The following MRGPRF variants were observed in gnomAD, a reference collection of about 807,000 sequenced individuals.
MRGPRF encodes the protein MAS related GPR family member F.
A neutral mutation model predicts 3.3 loss-of-function variants in MRGPRF; 2 were observed. The ratio of observed to expected loss-of-function variants is 0.61; its 90% CI spans 0.25 to 1.92. The LOEUF (loss-of-function observed/expected upper bound fraction) is 1.92, where lower values mean the gene tolerates loss of function less well. Ranked by LOEUF, MRGPRF falls within the 40% of genes most tolerant of loss-of-function variation. MRGPRF has a pLI of 0.16. For missense variants in MRGPRF, 500 were observed against 476.0 expected, an observed-to-expected ratio of 1.05 and a Z score of -0.47; for synonymous variants, 242 against 222.7, an observed-to-expected ratio of 1.09 and a Z score of -0.77.
Position 69,005,692 on chromosome 11 carries a change from G to T in MRGPRF, c.618C>A (p.Phe206Leu), listed in dbSNP as rs1860462274. 1 of 1,551,022 alleles carries T rather than the reference G, an allele frequency of 6.4e-7. No individual in the cohort carries two copies. The highest frequency in any genetic ancestry group is 2.0e-5 in the Admixed American group (1 of 50,992). ...GCACCATGAGCGGGCAGCAGAGCAG[G>T]AACAGGAGGATGCCCAGGAAGATGT... ...HMDIFLGILL[F>L]LLCCPLMVLP... Residue 206 changes from phenylalanine to leucine, a missense_variant, in exon 3 of 3, where the codon TTC (phenylalanine) becomes TTA (leucine). By Grantham distance (22) the Phe-to-Leu change is conservative. Transcript: ENST00000309099.
rs1377782579 is a variant in MRGPRF at position 69,011,526 on chromosome 11, C to A, written c.-57+1557G>T. ...GGCTTGCAGATGGCTGGTGCTGCGA[C>A]CTGTATCTTAAGTCTCCCTCCTTGG... is the stretch of plus-strand genomic sequence containing the variant. On this transcript the variant is annotated intron_variant, in intron 1 of 2. Coordinates refer to ENST00000309099, the MANE Select transcript of MRGPRF (RefSeq NM_145015.5). 2.0e-5 allele frequency among the ~76,000 whole-genome samples: 3 copies of A among 152,168 alleles called. No individual in the cohort carries two copies. In the South Asian group the frequency reaches 6.2e-4, roughly 31 times the overall value.
chr11:69,008,467 C>G (rs555416842), intron 2 of MRGPRF, among the ~76,000 whole-genome samples: 5 of 152,308 alleles, frequency 3.3e-5, no homozygotes, highest in African/African-American at 1.2e-4. Flanking sequence ...TCCTGAGAGA[C>G]TGTTCTCTGG....
intron 1 of MRGPRF, chr11:69,012,177 C>G (rs917105836): frequency 2.0e-5 from 3 of 152,372 alleles, no homozygotes; most frequent in Non-Finnish European, 2.9e-5. Flanking sequence ...ACCCAAAAAG[C>G]TGCCAGCACA....
intron 1 of MRGPRF, among the ~76,000 whole-genome samples, chr11:69,010,653 T>C (rs1860575231): frequency 3.9e-5 from 6 of 152,136 alleles, no homozygotes. Flanking sequence ...GGCACACCCA[T>C]AGCCACACCA....
In MRGPRF at chr11:69,004,719, A is replaced by AT. The variant is rs1353606639; in HGVS notation, c.*558_*559insA. The AT allele has an allele frequency of 6.6e-6, 1 of 152,466 alleles. No individual in the cohort carries two copies. The allele number at this position is 152,466 out of a possible 1,614,324, so 9.4% of individuals were successfully genotyped here. On this transcript the variant is annotated 3_prime_UTR_variant, in exon 3 of 3. Coordinates refer to ENST00000309099, the MANE Select transcript of MRGPRF (RefSeq NM_145015.5). ...TGACATAACCAGAAATCCCCCCATC[A>AT]AAGTCACCAAATGACTCGACGGGGG...
chr11:69,009,987 A>G, intron 1 of MRGPRF, 30 bp from the exon 2 acceptor site: 1 of 1,446,960 alleles, frequency 6.9e-7, no homozygotes, highest in Non-Finnish European at 9.3e-7. Context: ...AGGGTGGATG[A>G]GGACAGCAGG....
intron 2 of MRGPRF, among the ~76,000 whole-genome samples, chr11:69,008,273 C>T (rs1860526430): frequency 6.6e-6 from 1 of 152,212 alleles, no homozygotes; most frequent in Non-Finnish European, 1.5e-5. Context: ...GACCTTTCCC[C>T]CCAGAGGCAA....
chr11:69,007,723 G>A (rs1427500461), intron 2 of MRGPRF, among the ~76,000 whole-genome samples: 2 of 152,062 alleles, frequency 1.3e-5, no homozygotes, highest in East Asian at 1.9e-4. Context: ...AAAACAACGA[G>A]TGGATCTCGG....
chr11:69,005,924 G>A lies in MRGPRF; in HGVS notation c.386C>T (p.Thr129Ile). 1.9e-6 allele frequency: 3 copies of A among 1,575,518 alleles called. No individual in the cohort carries two copies. Among genetic ancestry groups the A allele is most frequent in the South Asian group, 1.2e-5 (1 of 86,356 alleles). Residue 129 changes from threonine to isoleucine, a missense_variant, in exon 3 of 3, where the codon ACC becomes ATC. Transcript: ENST00000309099. Reference sequence around the variant, plus strand: ...GACGGCCGGCAGGAGGCTCACGCCGGTAAGGAACATGCAGAGCCCCAGGAC... The same window carrying A: ...GACGGCCGGCAGGAGGCTCACGCCGATAAGGAACATGCAGAGCCCCAGGAC... ...CRVLGLCMFLTGVSLLPAVSA... is the reference protein window; with the variant it reads ...CRVLGLCMFLIGVSLLPAVSA...
In MRGPRF at chr11:69,004,974, T is replaced by G; in HGVS notation, c.*304A>C. On this transcript the variant is annotated 3_prime_UTR_variant, in exon 3 of 3. Coordinates refer to ENST00000309099, the MANE Select transcript of MRGPRF (RefSeq NM_145015.5). The stretch of plus-strand genomic sequence containing the variant: ...GGCTAGGCTGGGTGTTGACCTCCTC[T>G]CTTTTACCAACCAGCCTAGGGCAAG... The G allele has an allele frequency of 2.9e-6, 1 of 343,158 alleles. No homozygotes were observed. The allele number at this position is 343,158 out of a possible 1,614,324, so 21.3% of individuals were successfully genotyped here.
rs774473995 is a variant in MRGPRF, at chr11:69,009,712, G to A, written c.48+142C>T. The A allele has an allele frequency of 5.2e-6, 5 of 967,922 alleles. No homozygotes were observed. In the South Asian group the frequency reaches 6.7e-5, roughly 13 times the overall value. The allele number at this position is 967,922 out of a possible 1,614,324, so 60.0% of individuals were successfully genotyped here. ...CTTGTGCCCGGCCACATAGCCCAGA[G>A]GAGCCCACTGCCCACGGTGGGTCCA... On this transcript the variant is annotated intron_variant, in intron 2 of 2. Transcript: ENST00000309099.
rs574944709 is a variant in MRGPRF, at chr11:69,009,914, C to T, written c.-13G>A. On this transcript the variant is annotated 5_prime_UTR_variant, in exon 2 of 3. Coordinates refer to ENST00000309099, the MANE Select transcript of MRGPRF (RefSeq NM_145015.5). The stretch of plus-strand genomic sequence containing the variant: ...AGTTTCCAGCCATCTCCAGGCCTGG[C>T]GCGTCTGGGCCCCTGCTGGCAGCTC... 3.1e-5 allele frequency: 49 copies of T among 1,600,078 alleles called. No individual in the cohort carries two copies. The East Asian group carries it at 4.2e-4, about 14-fold the overall frequency.
At position 69,005,538 on chromosome 11, in the gene MRGPRF, C is replaced by A. The variant is rs1406090899; in HGVS notation, c.772G>T (p.Asp258Tyr). The A allele has an allele frequency of 6.3e-7, 1 of 1,581,960 alleles. No individual in the cohort carries two copies. The highest frequency in any genetic ancestry group is 8.6e-7 in the Non-Finnish European group (1 of 1,164,382). The stretch of plus-strand genomic sequence containing the variant: ...TGGAAGACCCAGAAGAGGAACCAGT[C>A]GATCCCTAAGTAGATGGAGGACACC... ...FLVSSIYLGI[D>Y]WFLFWVFQIP... Residue 258 changes from aspartate to tyrosine, a missense_variant, in exon 3 of 3, where the codon GAC (aspartate) becomes TAC (tyrosine). Transcript: ENST00000309099.
Position 69,006,132 on chromosome 11 carries a change from C to T in MRGPRF, c.178G>A (p.Val60Met), listed in dbSNP as rs749568598. Reference protein sequence around the residue: ...IFLLLCLCGLVGNGLVLWFFG... With the variant: ...IFLLLCLCGLMGNGLVLWFFG... ...AACCAGAGGACCAGCCCGTTGCCCA[C>T]CAGGCCACACAGGCAGAGGAGCAGG... Residue 60 changes from valine (V) to methionine (M), a missense_variant, in exon 3 of 3, where the codon GTG (valine) becomes ATG (methionine). Val to Met is a conservative substitution (Grantham distance 21). Coordinates refer to ENST00000309099, the MANE Select transcript of MRGPRF (RefSeq NM_145015.5). 2 of 1,614,074 alleles carry T rather than the reference C, an allele frequency of 1.2e-6. No individual in the cohort carries two copies. Among genetic ancestry groups the T allele is most frequent in the Admixed American group, 1.7e-5 (1 of 60,020 alleles).
chr11:69,006,343 G>GTT, intron 2 of MRGPRF, 82 bp from the exon 3 acceptor site: 15 of 166,576 alleles, frequency 9.0e-5, no homozygotes, highest in South Asian at 1.4e-4. Context: ...GCGTGGGGGA[G>GTT]GGGGGGGGTC....
rs1204242017 is a variant in MRGPRF at position 69,005,630 on chromosome 11, C to T, written c.680G>A (p.Arg227Gln). 2.4e-5 allele frequency: 37 copies of T among 1,555,134 alleles called. No individual in the cohort carries two copies. Among genetic ancestry groups the T allele is most frequent in the East Asian group, 4.9e-5 (2 of 41,112 alleles). Reference protein sequence around the residue: ...CLALILHVECRARRRQRSAKL... With the variant: ...CLALILHVECQARRRQRSAKL... ...GGCAGAGCGCTGGCGCCGTCGGGCC[C>T]GGCACTCCACGTGCAGGATGAGGGC... Residue 227 changes from arginine (R) to glutamine (Q), a missense_variant, in exon 3 of 3, where the codon CGG becomes CAG. By Grantham distance (43) the Arg-to-Gln change is conservative. Transcript: ENST00000309099.
intron 2 of MRGPRF, 159 bp downstream of exon 2, chr11:69,009,695 C>T (rs770990676): frequency 3.5e-5 from 30 of 846,748 alleles, no homozygotes; most frequent in South Asian, 2.0e-4. Flanking sequence ...AACTTGTGCC[C>T]GGCCACATAG....
At chr11:69,006,992 G>C (rs1860504529) in intron 2 of MRGPRF, among the ~76,000 whole-genome samples, 2 of 152,186 alleles carry the variant, frequency 1.3e-5, no homozygotes, top group African/African-American at 4.8e-5. Flanking sequence ...ATTATACGCT[G>C]GATCTCAACA....
At chr11:69,012,359 G>T (rs1017726692) in intron 1 of MRGPRF, 1 of 152,284 alleles carries the variant, frequency 6.6e-6, no homozygotes, top group East Asian at 1.9e-4. Context: ...CGCTTGTGCC[G>T]CCATCAGAGG....
Sources: allele counts gnomAD v4.1 joint callset (sites outside exome capture counted in the v4.1 genomes callset), GRCh38; gene constraint gnomAD v4.1.1; transcripts MANE v1.5; gene names NCBI Gene and HGNC (gene_info 2026-07-23, HGNC 2026-07-21).